SAMD12: variants seen among roughly 807,000 people sequenced by gnomAD.
SAMD12 encodes sterile alpha motif domain containing 12, also known as sterile alpha motif domain-containing protein 12.
A neutral mutation model predicts 15.0 loss-of-function variants in SAMD12; 9 were observed. The ratio of observed to expected loss-of-function variants is 0.60; its 90% confidence interval spans 0.36 to 1.05. The LOEUF is 1.05. Among genes scored for constraint, SAMD12 ranks in the 50% least tolerant of loss-of-function variants. The probability of loss-of-function intolerance (pLI) is 0.01; values close to 1 mark genes in which losing one functional copy is unlikely to be tolerated. For synonymous variants in SAMD12, 86 were observed against 90.1 expected (o/e 0.96, Z 0.25); for missense variants, 230 against 234.2 (o/e 0.98, Z 0.12).
At chr8:118,433,953 G>A (rs1234517117) in intron 3 of SAMD12, among the ~76,000 whole-genome samples, 1 of 152,140 alleles carries the variant, frequency 6.6e-6, no homozygotes, top group Non-Finnish European at 1.5e-5. Context: ...TTTGACACTT[G>A]TTAGCTACAC....
chr8:118,392,043 G>C (rs1329913827), intron 3 of SAMD12, among the ~76,000 whole-genome samples: 3 of 152,120 alleles, frequency 2.0e-5, no homozygotes, highest in Non-Finnish European at 4.4e-5. Context: ...ACCTGTCTAG[G>C]ATTGCATTTC....
chr8:118,165,202 G>A, the SAMD12 span, among the ~76,000 whole-genome samples: 1 of 152,040 alleles, frequency 6.6e-6, no homozygotes, highest in Non-Finnish European at 1.5e-5. Context: ...TAAATTGAAG[G>A]TTCTCATGAA....
At chr8:118,295,616 T>TA (rs1371960560) in intron 4 of SAMD12, 1 of 151,638 alleles carries the variant, frequency 6.6e-6, no homozygotes, top group Non-Finnish European at 1.5e-5. Context: ...GACTGCTTAA[T>TA]AAGTGCAATG....
chr8:118,447,179 T>C (rs1323654463), intron 2 of SAMD12, among the ~76,000 whole-genome samples: 4 of 152,182 alleles, frequency 2.6e-5, no homozygotes, highest in Non-Finnish European at 5.9e-5. Flanking sequence ...AATCTCTTCA[T>C]TACCAACATT....
rs116733339 is a variant in SAMD12, at chr8:118,352,341, A to T, written c.433+27219T>A. On this transcript the variant is annotated intron_variant, in intron 4 of 4. Coordinates refer to the SAMD12 transcript ENST00000409003. ...CATGGTCAAATGGTTGTAGATCAGT[A>T]AGACAGTAAGAGGAAATTCTTTCTA... is the stretch of plus-strand genomic sequence containing the variant. 8.0e-3 allele frequency among the ~76,000 whole-genome samples: 1,215 copies of T among 152,286 alleles called. 18 individuals carry two copies. The highest frequency in any genetic ancestry group is 0.028 in the African/African-American group (1,158 of 41,566).
chr8:118,152,104 G>A, the SAMD12 span, among the ~76,000 whole-genome samples: 1 of 152,106 alleles, frequency 6.6e-6, no homozygotes, highest in African/African-American at 2.4e-5. Flanking sequence ...AGTAGAAAAG[G>A]GTTCAGAAAA....
intron 2 of SAMD12, among the ~76,000 whole-genome samples, chr8:118,522,911 A>C (rs1825429185): frequency 6.6e-6 from 1 of 152,146 alleles, no homozygotes; most frequent in African/African-American, 2.4e-5. Context: ...TATCCACACA[A>C]TGAATTTTGT....
intron 4 of SAMD12, among the ~76,000 whole-genome samples, chr8:118,255,277 G>GAAC (rs1049607442): frequency 3.3e-5 from 5 of 152,028 alleles, no homozygotes; most frequent in Admixed American, 2.0e-4. Flanking sequence ...AGATGAACAA[G>GAAC]AACAACAACA....
At chr8:118,165,216 T>C in the SAMD12 span, among the ~76,000 whole-genome samples, 1,994 of 152,164 alleles carry the variant, frequency 0.013, 46 homozygotes, top group African/African-American at 0.046. Flanking sequence ...TCATGAACCT[T>C]TTCTTGGGTA....
intron 4 of SAMD12, among the ~76,000 whole-genome samples, chr8:118,333,431 C>T (rs1033086668): frequency 6.6e-6 from 1 of 152,138 alleles, no homozygotes; most frequent in Non-Finnish European, 1.5e-5. Context: ...ATCATGATCC[C>T]AAGTGTATCA....
At chr8:118,472,306 C>T (rs1823823606) in intron 2 of SAMD12, among the ~76,000 whole-genome samples, 1 of 150,564 alleles carries the variant, frequency 6.6e-6, no homozygotes, top group Non-Finnish European at 1.5e-5. Flanking sequence ...AAAAAGAGTA[C>T]AAGTACATAA....
the SAMD12 span, among the ~76,000 whole-genome samples, chr8:118,176,482 C>T: frequency 6.6e-6 from 1 of 152,008 alleles, no homozygotes; most frequent in Admixed American, 6.5e-5. Flanking sequence ...ACTACATAGC[C>T]ATAAAAAAGA....
chr8:118,542,430 A>G (rs1386667127), intron 2 of SAMD12, among the ~76,000 whole-genome samples: 3 of 152,218 alleles, frequency 2.0e-5, no homozygotes, highest in Non-Finnish European at 4.4e-5. Context: ...AACAAATGTG[A>G]ATATTTAAAA....
chr8:118,359,137 A>T (rs73325649), intron 4 of SAMD12, among the ~76,000 whole-genome samples: 5,637 of 152,170 alleles, frequency 0.037, 320 homozygotes, highest in African/African-American at 0.12. Flanking sequence ...TAGTATCTTA[A>T]AATGTAACAT....
intron 2 of SAMD12, among the ~76,000 whole-genome samples, chr8:118,492,646 C>T (rs913582326): frequency 1.3e-5 from 2 of 152,056 alleles, no homozygotes; most frequent in Non-Finnish European, 2.9e-5. Context: ...ACAGTGGGCC[C>T]AGTATATCCC....
intron 4 of SAMD12, among the ~76,000 whole-genome samples, chr8:118,336,447 T>C (rs1817070971): frequency 6.6e-6 from 1 of 152,194 alleles, no homozygotes; most frequent in Non-Finnish European, 1.5e-5. Flanking sequence ...GCCTTATGCT[T>C]CAGGAATTCC....
intron 2 of SAMD12, among the ~76,000 whole-genome samples, chr8:118,508,691 G>C (rs7006659): frequency 0.63 from 96,301 of 152,062 alleles, 30,681 homozygotes; most frequent in South Asian, 0.71. Flanking sequence ...CAAATATGGG[G>C]AGTTTTGGGC....
At chr8:118,608,734 C>T (rs1779320180) in intron 1 of SAMD12, among the ~76,000 whole-genome samples, 1 of 152,120 alleles carries the variant, frequency 6.6e-6, no homozygotes, top group Non-Finnish European at 1.5e-5. Context: ...ACACTCCAGA[C>T]CTCAGGTAAT....
chr8:118,521,626 C>T (rs937041826), intron 2 of SAMD12, among the ~76,000 whole-genome samples: 9 of 151,776 alleles, frequency 5.9e-5, no homozygotes, highest in Non-Finnish European at 5.9e-5. Context: ...TGACCTTCAG[C>T]GCGTTCTATG....
Sources: allele counts gnomAD v4.1 joint callset (sites outside exome capture counted in the v4.1 genomes callset), GRCh38; gene constraint gnomAD v4.1.1; transcripts MANE v1.5; gene names NCBI Gene and HGNC (gene_info 2026-07-23, HGNC 2026-07-21).